DEPDC1B: variants seen among roughly 807,000 people sequenced by gnomAD.
The protein encoded by DEPDC1B is DEP domain containing 1B.
In DEPDC1B, 51 loss-of-function variants were observed where a neutral mutation model predicts 66.5. That is an observed-to-expected ratio of 0.77 (90% confidence interval 0.61 to 0.97). The LOEUF is 0.97. Among genes scored for constraint, DEPDC1B ranks in the 50% least tolerant of loss-of-function variants. The probability of loss-of-function intolerance (pLI) is 0.00; values close to 1 mark genes in which losing one functional copy is unlikely to be tolerated. For missense variants in DEPDC1B, 552 were observed against 637.1 expected (o/e 0.87, Z 1.44); for synonymous variants, 226 against 223.6 (o/e 1.01, Z -0.10).
intron 7 of DEPDC1B, among the ~76,000 whole-genome samples, chr5:60,612,296 G>A (rs1266761232): frequency 6.6e-6 from 1 of 151,904 alleles, no homozygotes; most frequent in Non-Finnish European, 1.5e-5. Flanking sequence ...GGTGGCATGT[G>A]CCTGTCGTCC....
chr5:60,685,347 C>T (rs1754389577), intron 2 of DEPDC1B, among the ~76,000 whole-genome samples: 1 of 151,640 alleles, frequency 6.6e-6, no homozygotes, highest in Non-Finnish European at 1.5e-5. Context: ...TACACAACTT[C>T]CACTCAGGAA....
intron 7 of DEPDC1B, among the ~76,000 whole-genome samples, chr5:60,626,031 ATGAT>A (rs1752803038): frequency 6.6e-6 from 1 of 152,034 alleles, no homozygotes; most frequent in Non-Finnish European, 1.5e-5. Flanking sequence ...TTTAAAGTAT[ATGAT>A]TCTAGTGATT....
intron 2 of DEPDC1B, among the ~76,000 whole-genome samples, chr5:60,659,514 A>C (rs534517457): frequency 1.3e-5 from 2 of 152,304 alleles, no homozygotes; most frequent in South Asian, 4.1e-4. Flanking sequence ...GTCTGCCTGG[A>C]ACCAGCTTCC....
At chr5:60,667,656 C>CATATATA (rs1561383876) in intron 2 of DEPDC1B, among the ~76,000 whole-genome samples, 31 of 93,826 alleles carry the variant, frequency 3.3e-4, no homozygotes, top group Admixed American at 9.1e-4. Context: ...GGATATTTTA[C>CATATATA]ATGTATATAA....
chr5:60,669,997 A>G (rs1413146332), intron 2 of DEPDC1B, among the ~76,000 whole-genome samples: 1 of 152,162 alleles, frequency 6.6e-6, no homozygotes, highest in Non-Finnish European at 1.5e-5. Context: ...ATTGCACCAA[A>G]CCTCACAATA....
chr5:60,599,023 CAT>C, intron 10 of DEPDC1B, 50 bp downstream of exon 10: 2 of 1,226,702 alleles, frequency 1.6e-6, no homozygotes, highest in South Asian at 1.8e-5. Context: ...AAAAAAAAAA[CAT>C]AAAAACAGTA....
chr5:60,604,673 T>C (rs983582003), intron 8 of DEPDC1B, among the ~76,000 whole-genome samples: 1 of 152,074 alleles, frequency 6.6e-6, no homozygotes, highest in Non-Finnish European at 1.5e-5. Flanking sequence ...ACACTGCAAA[T>C]GATCTTCACT....
At chr5:60,675,924 TG>T (rs1226004694) in intron 2 of DEPDC1B, among the ~76,000 whole-genome samples, 4 of 151,550 alleles carry the variant, frequency 2.6e-5, no homozygotes, top group Non-Finnish European at 5.9e-5. Flanking sequence ...TTTTGTTTTT[TG>T]TTTTTTTGTT....
At chr5:60,610,802 C>A (rs1224997171) in intron 7 of DEPDC1B, among the ~76,000 whole-genome samples, 1 of 152,230 alleles carries the variant, frequency 6.6e-6, no homozygotes, top group Non-Finnish European at 1.5e-5. Context: ...AGATATGTCT[C>A]ATTCCCTGGT....
At chr5:60,642,919 T>G in intron 5 of DEPDC1B, 60 bp from the exon 6 acceptor site, 1 of 1,315,792 alleles carries the variant, frequency 7.6e-7, no homozygotes, top group Non-Finnish European at 1.1e-6. Flanking sequence ...ATATACATAC[T>G]TGGTATCATA....
At chr5:60,609,534 T>C (rs1478280710) in intron 7 of DEPDC1B, among the ~76,000 whole-genome samples, 1 of 152,156 alleles carries the variant, frequency 6.6e-6, no homozygotes, top group Non-Finnish European at 1.5e-5. Context: ...AGTTGCTTAC[T>C]CCCAAAGCTA....
intron 2 of DEPDC1B, among the ~76,000 whole-genome samples, chr5:60,678,744 G>C (rs1447570029): frequency 6.6e-6 from 1 of 152,100 alleles, no homozygotes; most frequent in Non-Finnish European, 1.5e-5. Context: ...CAATTGGATT[G>C]CTTGTTTACT....
chr5:60,648,412 A>C (rs539851186), intron 2 of DEPDC1B, among the ~76,000 whole-genome samples: 2 of 152,340 alleles, frequency 1.3e-5, no homozygotes, highest in South Asian at 4.1e-4. Context: ...GTTGAAGACC[A>C]TATAAGCTGG....
intron 2 of DEPDC1B, among the ~76,000 whole-genome samples, chr5:60,668,069 A>C (rs1753923558): frequency 9.4e-6 from 1 of 106,200 alleles, no homozygotes; most frequent in East Asian, 2.3e-4. Context: ...TTTTATATAT[A>C]TATAAAATGG....
In DEPDC1B at chr5:60,667,811, A is replaced by AAAAAATGGATATTTTACATATATGT. The variant is rs1753898899; in HGVS notation, c.314+19126_314+19150dup. On this transcript the variant is annotated intron_variant, in intron 2 of 10. Coordinates refer to ENST00000265036, the MANE Select transcript of DEPDC1B (RefSeq NM_018369.3). ...AAAAATGGATATTTTACATATATAT[A>AAAAAATGGATATTTTACATATATGT]AAAAATGGATATTTTACATATATGT... Among the ~76,000 whole-genome samples the AAAAAATGGATATTTTACATATATGT allele has an allele frequency of 1.1e-4, 14 of 129,224 alleles. 1 individual carries two copies. In the Admixed American group the frequency reaches 1.1e-3, roughly 11 times the overall value. The allele number at this position is 129,224 out of a possible 152,430, so 84.8% of individuals were successfully genotyped here. A position where few individuals can be genotyped will look rare whatever the true frequency, so the allele number is the denominator to read the frequency against.
In DEPDC1B at chr5:60,618,643, T is replaced by C. The variant is rs113945956; in HGVS notation, c.899-12787A>G. Among the ~76,000 whole-genome samples, 232 of 152,308 alleles carry C rather than the reference T, an allele frequency of 1.5e-3. 3 individuals carry two copies. Among genetic ancestry groups the C allele is most frequent in the African/African-American group, 5.5e-3 (230 of 41,572 alleles). On this transcript the variant is annotated intron_variant, in intron 7 of 10. Transcript: ENST00000265036. ...ACAGGCTCTGAAATTGAGGCAATAA[T>C]TAATAGCTTACCAACCAATAAAAGT...
At chr5:60,664,570 T>A (rs61752571) in intron 2 of DEPDC1B, among the ~76,000 whole-genome samples, 10,816 of 152,216 alleles carry the variant, frequency 0.071, 647 homozygotes, top group East Asian at 0.2. Flanking sequence ...AAGTAATTGC[T>A]CAAACCTACG....
intron 2 of DEPDC1B, among the ~76,000 whole-genome samples, chr5:60,683,353 G>A (rs1754340954): frequency 6.6e-6 from 1 of 152,112 alleles, no homozygotes; most frequent in African/African-American, 2.4e-5. Context: ...GATCACTTGA[G>A]CCTGGGAGGT....
At chr5:60,641,619 C>T (rs1753194716) in intron 6 of DEPDC1B, among the ~76,000 whole-genome samples, 1 of 152,144 alleles carries the variant, frequency 6.6e-6, no homozygotes, top group Non-Finnish European at 1.5e-5. Flanking sequence ...AGCCACCGCA[C>T]CTGGCCTGAT....
Sources: allele counts gnomAD v4.1 joint callset (sites outside exome capture counted in the v4.1 genomes callset), GRCh38; gene constraint gnomAD v4.1.1; transcripts MANE v1.5; gene names NCBI Gene and HGNC (gene_info 2026-07-23, HGNC 2026-07-21).